The following CES4A variants were observed in gnomAD, a reference collection of about 807,000 sequenced individuals.
The protein encoded by CES4A is carboxylesterase 4A.
CES4A carries 48 observed loss-of-function variants against 65.4 expected under a neutral mutation model. That is an observed-to-expected ratio of 0.73 (90% CI 0.58 to 0.93). The LOEUF (loss-of-function observed/expected upper bound fraction) is 0.93. Ranked by LOEUF, CES4A falls within the 40% of genes least tolerant of loss-of-function variation. CES4A has a pLI of 0.00. For missense variants in CES4A, 685 were observed against 728.5 expected (o/e 0.94, Z 0.69); for synonymous variants, 247 against 281.8 (o/e 0.88, Z 1.24).
At position 67,003,466 on chromosome 16, in the gene CES4A, C is replaced by T. The variant is rs1470838545; in HGVS notation, c.901-49C>T. The T allele has an allele frequency of 6.9e-6, 11 of 1,596,738 alleles. No individual in the cohort carries two copies. In the South Asian group the frequency reaches 7.7e-5, roughly 11 times the overall value. On this transcript the variant is annotated intron_variant, in intron 7 of 13. Coordinates refer to ENST00000648724, the Ensembl canonical transcript of CES4A. This position sits in a 1 kb window ranked among gnomAD's most constrained non-coding sequence, Gnocchi z 4.2. ...TTCCCCAGGGACCCTGTCTCAAGAG[C>T]ACACGAGGGAGACTTCCTTTAACTC...
chr16:66,999,873 T>A (rs1031798641), intron 2 of CES4A, among the ~76,000 whole-genome samples: 4 of 152,136 alleles, frequency 2.6e-5, no homozygotes, highest in African/African-American at 9.7e-5. Context: ...CCACTTAAGC[T>A]GGGCCTTAAA....
chr16:67,002,658 C>T (rs1965448098), intron 5 of CES4A, among the ~76,000 whole-genome samples: 1 of 151,960 alleles, frequency 6.6e-6, no homozygotes, highest in African/African-American at 2.4e-5. Flanking sequence ...TCTGAGGTAT[C>T]CAAGGGACAG....
At chr16:66,999,220 G>C (rs1194161217) in intron 2 of CES4A, among the ~76,000 whole-genome samples, 2 of 152,238 alleles carry the variant, frequency 1.3e-5, no homozygotes, top group East Asian at 3.8e-4. Context: ...AAGAGCAGAA[G>C]GGAGCAGAGG....
At chr16:67,004,576 C>G (rs1255097068) in intron 9 of CES4A, among the ~76,000 whole-genome samples, 1 of 152,158 alleles carries the variant, frequency 6.6e-6, no homozygotes, top group Non-Finnish European at 1.5e-5. Flanking sequence ...CAGGATGGAC[C>G]CCCACTCAGT....
At chr16:67,004,840 C>G (rs1444480683) in exon 10 of CES4A, 2 of 1,536,110 alleles carry the variant, frequency 1.3e-6, no homozygotes, top group South Asian at 2.4e-5. Context: ...AGGAAACCAT[C>G]ACTAAGATGC....
intron 13 of CES4A, chr16:67,008,676 A>T: frequency 3.7e-6 from 1 of 271,954 alleles, no homozygotes; most frequent in Non-Finnish European, 7.0e-6. Context: ...CTGGGATTAC[A>T]GGCATGAGCC....
chr16:67,005,653 C>T, intron 11 of CES4A: 1 of 393,760 alleles, frequency 2.5e-6, no homozygotes, highest in South Asian at 3.6e-5. Flanking sequence ...TCTAGACCAG[C>T]CTCACCAACA....
In CES4A at chr16:67,003,893, G is replaced by T. The variant is rs938002031; in HGVS notation, c.940-191G>T. On this transcript the variant is annotated intron_variant, in intron 8 of 13. Coordinates refer to ENST00000648724, the Ensembl canonical transcript of CES4A. The surrounding 1 kb of genome is among the most constrained non-coding windows in gnomAD (Gnocchi z 4.2). ...ATACAGATACCCGCGGCCATCCCAA[G>T]TCCACGTAATTTGGTCCTGCCTATC... 2.0e-5 allele frequency among the ~76,000 whole-genome samples: 3 copies of T among 152,124 alleles called. No individual in the cohort carries two copies. The highest frequency in any genetic ancestry group is 7.2e-5 in the African/African-American group (3 of 41,416).
At chr16:66,996,043 GT>G in intron 2 of CES4A, 1 of 686,968 alleles carries the variant, frequency 1.5e-6, no homozygotes, top group Admixed American at 2.0e-5. Flanking sequence ...TTTTGTTTTT[GT>G]TTTTGTTTTT....
exon 14 of CES4A, chr16:67,009,280 A>G: frequency 4.9e-6 from 4 of 817,730 alleles, no homozygotes; most frequent in Non-Finnish European, 7.6e-6. Context: ...TGCTGCCTCC[A>G]GGCCAAAGCT....
intron 2 of CES4A, among the ~76,000 whole-genome samples, chr16:66,999,297 A>G (rs1417684912): frequency 6.6e-6 from 1 of 152,228 alleles, no homozygotes; most frequent in Non-Finnish European, 1.5e-5. Context: ...TTATGAGAAT[A>G]GCCACCTAGG....
intron 1 of CES4A, among the ~76,000 whole-genome samples, chr16:66,995,028 A>T (rs954510649): frequency 2.0e-5 from 3 of 149,068 alleles, no homozygotes; most frequent in African/African-American, 7.4e-5. Context: ...TAAATAAATG[A>T]GGGCCGGGCG....
chr16:67,010,022 G>A (rs1966051321), downstream of CES4A, among the ~76,000 whole-genome samples: 1 of 150,708 alleles, frequency 6.6e-6, no homozygotes, highest in Non-Finnish European at 1.5e-5. Flanking sequence ...CAGCCCGTGT[G>A]TATCCCAGCC....
intron 1 of CES4A, among the ~76,000 whole-genome samples, chr16:66,991,754 A>G (rs973798965): frequency 2.0e-5 from 3 of 152,204 alleles, no homozygotes; most frequent in Non-Finnish European, 4.4e-5. Flanking sequence ...TTTGAGCTTC[A>G]GCTTCCACAT....
At chr16:67,008,928 G>C (rs1175389280) in intron 13 of CES4A, 46 bp from the exon 14 acceptor site, 6 of 1,576,130 alleles carry the variant, frequency 3.8e-6, no homozygotes, top group Non-Finnish European at 5.2e-6. Context: ...AAAGAAGCAG[G>C]ATGAAAAGGA....
intron 2 of CES4A, among the ~76,000 whole-genome samples, chr16:66,998,796 G>A (rs564468972): frequency 1.3e-5 from 2 of 152,142 alleles, no homozygotes; most frequent in Non-Finnish European, 2.9e-5. Context: ...AGGAGGCAGA[G>A]GTTGCAGTCA....
intron 2 of CES4A, among the ~76,000 whole-genome samples, chr16:66,998,771 C>G (rs550443380): frequency 6.6e-6 from 1 of 152,124 alleles, no homozygotes; most frequent in Non-Finnish European, 1.5e-5. Flanking sequence ...GAGCTGATAT[C>G]TCCCACCTGA....
At chr16:67,004,922 C>G in intron 10 of CES4A, 49 bp downstream of exon 10, 4 of 1,448,072 alleles carry the variant, frequency 2.8e-6, no homozygotes, top group Non-Finnish European at 3.7e-6. Context: ...GGGTTGACCC[C>G]CCTGTTTTTT....
rs528640571 is a variant in CES4A at position 67,000,039 on chromosome 16, G to A, written c.261-599G>A. On this transcript the variant is annotated intron_variant, in intron 2 of 13. Coordinates refer to ENST00000648724, the Ensembl canonical transcript of CES4A. This position sits in a 1 kb window ranked among gnomAD's most constrained non-coding sequence, Gnocchi z 4.2. The stretch of plus-strand genomic sequence containing the variant: ...ATGGAAAGGAGGGCCTGGGTACTCC[G>A]CGTATCTTAACTTTATCCTGAGGGC... Among the ~76,000 whole-genome samples the A allele has an allele frequency of 5.8e-4, 88 of 152,318 alleles. No homozygotes were observed. Among genetic ancestry groups the A allele is most frequent in the South Asian group, 4.1e-3 (20 of 4,826 alleles).
Sources: allele counts gnomAD v4.1 joint callset (sites outside exome capture counted in the v4.1 genomes callset), GRCh38; gene constraint gnomAD v4.1.1; non-coding constraint Gnocchi (gnomAD v3.1); transcripts MANE v1.5; gene names NCBI Gene and HGNC (gene_info 2026-07-23, HGNC 2026-07-21).